The following ZNF423 variants were observed in gnomAD, a reference collection of about 807,000 sequenced individuals.
ZNF423 encodes the protein Ebf-associated zinc finger protein.
In ZNF423, 12 loss-of-function variants were observed where a neutral mutation model predicts 95.8. The ratio of observed to expected loss-of-function variants is 0.13; its 90% confidence interval spans 0.08 to 0.20. The LOEUF is 0.20. ZNF423 is among the 10% of genes least tolerant of loss of function. The pLI is 1.00. For missense variants in ZNF423, 1,316 were observed against 1,737.1 expected, an observed-to-expected ratio of 0.76 and a Z score of 4.31; for synonymous variants, 749 against 711.9, an observed-to-expected ratio of 1.05 and a Z score of -0.83.
At chr16:49,565,863 T>TGGAA (rs1970170832) in intron 5 of ZNF423, among the ~76,000 whole-genome samples, 1 of 134,098 alleles carries the variant, frequency 7.5e-6, no homozygotes, top group South Asian at 2.3e-4. Flanking sequence ...AAGATAAGGA[T>TGGAA]GGAAGGAGAG....
intron 2 of ZNF423, among the ~76,000 whole-genome samples, chr16:49,746,982 T>C (rs1001463484): frequency 1.3e-5 from 2 of 151,870 alleles, no homozygotes; most frequent in African/African-American, 4.8e-5. Flanking sequence ...AATCCGGAGA[T>C]ATGCTAGAAC....
At chr16:49,600,828 A>G (rs866976417) in intron 5 of ZNF423, among the ~76,000 whole-genome samples, 1 of 152,060 alleles carries the variant, frequency 6.6e-6, no homozygotes, top group African/African-American at 2.4e-5. Context: ...TGACTACCAC[A>G]TTGCCGAAAT....
At chr16:49,644,693 AAAAAC>A (rs1240929368) in intron 3 of ZNF423, among the ~76,000 whole-genome samples, 2 of 143,090 alleles carry the variant, frequency 1.4e-5, no homozygotes, top group Admixed American at 7.0e-5. Flanking sequence ...AAAAAAAAAA[AAAAAC>A]CGTGAGCCTA....
At chr16:49,645,521 A>T (rs1360583543) in intron 3 of ZNF423, among the ~76,000 whole-genome samples, 1 of 152,214 alleles carries the variant, frequency 6.6e-6, no homozygotes, top group Non-Finnish European at 1.5e-5. Context: ...TGGAAAGAGG[A>T]GTCTCCTGAC....
chr16:49,507,140 A>G (rs1446583481), intron 7 of ZNF423, among the ~76,000 whole-genome samples: 1 of 152,218 alleles, frequency 6.6e-6, no homozygotes, highest in Non-Finnish European at 1.5e-5. Context: ...AGTAAGACTA[A>G]TAATATCTAC....
At chr16:49,770,988 C>T (rs1255270649) in intron 2 of ZNF423, among the ~76,000 whole-genome samples, 1 of 152,076 alleles carries the variant, frequency 6.6e-6, no homozygotes, top group African/African-American at 2.4e-5. Flanking sequence ...CTGGAGGAGT[C>T]GGGGCCAAGG....
At chr16:49,834,998 G>C (rs931179246) in intron 1 of ZNF423, among the ~76,000 whole-genome samples, 1 of 152,064 alleles carries the variant, frequency 6.6e-6, no homozygotes, top group Non-Finnish European at 1.5e-5. Flanking sequence ...GGGGGGCCAG[G>C]GCTGAGCGGC....
chr16:49,668,865 C>T (rs2030667853), intron 3 of ZNF423, among the ~76,000 whole-genome samples: 1 of 152,134 alleles, frequency 6.6e-6, no homozygotes, highest in East Asian at 1.9e-4. Context: ...CAAGTGACCT[C>T]CCCTCTCTGA....
At chr16:49,644,071 T>C (rs1361373150) in intron 3 of ZNF423, among the ~76,000 whole-genome samples, 1 of 152,108 alleles carries the variant, frequency 6.6e-6, no homozygotes, top group African/African-American at 2.4e-5. Flanking sequence ...AGCTCACGGC[T>C]CCTCTGTCAC....
intron 1 of ZNF423, among the ~76,000 whole-genome samples, chr16:49,815,490 T>C (rs561069840): frequency 5.3e-5 from 8 of 152,040 alleles, no homozygotes; most frequent in Non-Finnish European, 1.0e-4. Context: ...ACTGGACAGA[T>C]GGGAAAGCTG....
rs534617457 is a variant in ZNF423 at position 49,490,470 on chromosome 16, G to A, written c.*805C>T. Reference sequence around the variant, plus strand: ...GGTTACTACGATTCTTTTCCAAGGGGAGCAGGGTCTATTGTGTGCAGGTCC... The same window carrying A: ...GGTTACTACGATTCTTTTCCAAGGGAAGCAGGGTCTATTGTGTGCAGGTCC... On this transcript the variant is annotated 3_prime_UTR_variant, in exon 8 of 8. Coordinates refer to ENST00000563137, the MANE Select transcript of ZNF423 (RefSeq NM_001379286.1). 1 of 152,444 alleles carries A rather than the reference G, an allele frequency of 6.6e-6. No individual in the cohort carries two copies. Among genetic ancestry groups the A allele is most frequent in the African/African-American group, 2.4e-5 (1 of 41,544 alleles). The allele number at this position is 152,444 out of a possible 1,614,324, so 9.4% of individuals were successfully genotyped here. A position where few individuals can be genotyped will look rare whatever the true frequency, so the allele number is the denominator to read the frequency against.
At chr16:49,848,070 C>T (rs897046494) in intron 1 of ZNF423, among the ~76,000 whole-genome samples, 1 of 151,982 alleles carries the variant, frequency 6.6e-6, no homozygotes, top group Non-Finnish European at 1.5e-5. Flanking sequence ...CGTCACTGCA[C>T]TCCAGCCTGG....
intron 3 of ZNF423, among the ~76,000 whole-genome samples, chr16:49,696,294 C>T (rs2031967785): frequency 6.6e-6 from 1 of 152,208 alleles, no homozygotes; most frequent in Admixed American, 6.5e-5. Flanking sequence ...AATTCAGTGA[C>T]AGGCATCCTC....
At chr16:49,596,001 C>T (rs1971166983) in intron 5 of ZNF423, among the ~76,000 whole-genome samples, 1 of 152,002 alleles carries the variant, frequency 6.6e-6, no homozygotes, top group African/African-American at 2.4e-5. Flanking sequence ...TAAAAAGGTG[C>T]CAAATCTTAA....
chr16:49,605,538 C>G (rs973621834), intron 5 of ZNF423, among the ~76,000 whole-genome samples: 3 of 152,186 alleles, frequency 2.0e-5, no homozygotes, highest in African/African-American at 7.2e-5. Context: ...AAAAGAGAAC[C>G]AAGCCCATCC....
At chr16:49,805,101 T>C (rs2034641820) in intron 1 of ZNF423, among the ~76,000 whole-genome samples, 1 of 152,074 alleles carries the variant, frequency 6.6e-6, no homozygotes, top group African/African-American at 2.4e-5. Context: ...GGTTTCACTA[T>C]GCTGGCCAGA....
At chr16:49,548,680 C>T (rs1969523757) in intron 5 of ZNF423, among the ~76,000 whole-genome samples, 1 of 152,172 alleles carries the variant, frequency 6.6e-6, no homozygotes. Flanking sequence ...AGACAGCCGC[C>T]TTCGGGGAAG....
rs563061752 is a variant in ZNF423, at chr16:49,854,972, C to T, written c.40+763G>A. ...GTGCCCGGGGTCAGATCCGGGGCGC[C>T]CTCCGCGGAGGGGCGCGCACCGCGG... On this transcript the variant is annotated intron_variant, in intron 1 of 7. Coordinates refer to ENST00000563137, the MANE Select transcript of ZNF423 (RefSeq NM_001379286.1). 1.4e-4 allele frequency: 135 copies of T among 984,882 alleles called. 1 individual carries two copies. The East Asian group carries it at 0.012, about 86-fold the overall frequency. 61.0% of individuals were successfully genotyped at this position (984,882 alleles called of 1,614,324 possible). A position where few individuals can be genotyped will look rare whatever the true frequency, so the allele number is the denominator to read the frequency against.
Position 49,707,579 on chromosome 16 carries a change from T to C in ZNF423, c.301+23192A>G, listed in dbSNP as rs2032395172. Among the ~76,000 whole-genome samples the C allele has an allele frequency of 2.0e-5, 3 of 147,576 alleles. No individual in the cohort carries two copies. In the South Asian group the frequency reaches 6.5e-4, roughly 32 times the overall value. On this transcript the variant is annotated intron_variant, in intron 3 of 7. Transcript: ENST00000563137. ...TTGTAGTGAGCCGAGACCACGCCAT[T>C]GCACTCCAGCCTGGGCGACAGAGTG...
Sources: allele counts gnomAD v4.1 joint callset (sites outside exome capture counted in the v4.1 genomes callset), GRCh38; gene constraint gnomAD v4.1.1; transcripts MANE v1.5; gene names NCBI Gene and HGNC (gene_info 2026-07-23, HGNC 2026-07-21).